The following CALN1 variants were observed in gnomAD, a reference collection of about 807,000 sequenced individuals.
CALN1 encodes the protein calcium-binding protein 8.
CALN1 carries 17 observed loss-of-function variants against 30.6 expected under a neutral mutation model. That is an observed-to-expected ratio of 0.56 (90% CI 0.38 to 0.83). The LOEUF is 0.83. CALN1 is among the 40% of genes least tolerant of loss of function. The probability of loss-of-function intolerance (pLI) is 0.00; values close to 1 mark genes in which losing one functional copy is unlikely to be tolerated. For missense variants in CALN1, 291 were observed against 354.9 expected (o/e 0.82, Z 1.45); for synonymous variants, 156 against 131.4 (o/e 1.19, Z -1.28).
chr7:72,147,201 AT>A (rs768956370), intron 3 of CALN1, among the ~76,000 whole-genome samples: 6 of 152,182 alleles, frequency 3.9e-5, no homozygotes, highest in Non-Finnish European at 7.3e-5. Context: ...ACGGGAGAAA[AT>A]TTTTGCAATC....
chr7:71,994,130 A>AT (rs1383595454), intron 5 of CALN1, among the ~76,000 whole-genome samples: 1 of 152,180 alleles, frequency 6.6e-6, no homozygotes, highest in Non-Finnish European at 1.5e-5. Flanking sequence ...ATTTTTAAAA[A>AT]TTTTATGAGA....
Position 72,134,157 on chromosome 7 carries a change from T to G in CALN1, c.245-27863A>C, listed in dbSNP as rs1389864958. ...TGCCATATGAGGACATGGCATTCCT[T>G]CCCTCCAGAGAATGCAGCAACAGGG... On this transcript the variant is annotated intron_variant, in intron 3 of 6. Coordinates refer to ENST00000395275, the MANE Select transcript of CALN1 (RefSeq NM_031468.4). Among the ~76,000 whole-genome samples, 3 of 152,114 alleles carry G rather than the reference T, an allele frequency of 2.0e-5. No homozygotes were observed. In the East Asian group the frequency reaches 5.8e-4, roughly 29 times the overall value.
chr7:72,163,854 A>G (rs984359832), intron 3 of CALN1, among the ~76,000 whole-genome samples: 2 of 152,176 alleles, frequency 1.3e-5, no homozygotes, highest in African/African-American at 2.4e-5. Context: ...TAAAAGAAGA[A>G]ATATTTGAAT....
At chr7:72,001,340 T>TGTGCACTA (rs1435990942) in intron 5 of CALN1, among the ~76,000 whole-genome samples, 1 of 152,260 alleles carries the variant, frequency 6.6e-6, no homozygotes. Context: ...GGCTCGTGTA[T>TGTGCACTA]GTGCACTAAG....
intron 3 of CALN1, among the ~76,000 whole-genome samples, chr7:72,214,032 C>T (rs890029373): frequency 4.6e-5 from 7 of 152,132 alleles, no homozygotes; most frequent in Non-Finnish European, 7.4e-5. Flanking sequence ...GGAGCACAGG[C>T]CTCGCTAGCT....
chr7:71,996,547 G>A (rs776008055), intron 5 of CALN1, among the ~76,000 whole-genome samples: 8 of 152,198 alleles, frequency 5.3e-5, no homozygotes, highest in Non-Finnish European at 7.3e-5. Flanking sequence ...CTATGTCCCT[G>A]CAAAGGACAT....
At chr7:72,335,968 G>T (rs969374556) in intron 2 of CALN1, among the ~76,000 whole-genome samples, 1 of 152,208 alleles carries the variant, frequency 6.6e-6, no homozygotes. Context: ...GGAGAAACTA[G>T]GAACCCGAGT....
chr7:71,784,938 G>A lies in CALN1; in HGVS notation c.*2837C>T, dbSNP rs1792906631. 2.5e-6 allele frequency: 1 copy of A among 398,380 alleles called. No individual in the cohort carries two copies. The highest frequency in any genetic ancestry group is 4.4e-6 in the Non-Finnish European group (1 of 226,040). The allele number at this position is 398,380 out of a possible 1,614,324, so 24.7% of individuals were successfully genotyped here. ...GCATAAAATTTGTGTGAACAGGGCT[G>A]GGAGTTGGCTGCCTGACAAGGAAGG... On this transcript the variant is annotated 3_prime_UTR_variant, in exon 7 of 7. Transcript: ENST00000395275.
chr7:72,314,537 C>G (rs547076801), intron 2 of CALN1, among the ~76,000 whole-genome samples: 123 of 151,354 alleles, frequency 8.1e-4, no homozygotes, highest in East Asian at 2.4e-3. Flanking sequence ...GATACTCCTA[C>G]CTCAGCCTCC....
intron 5 of CALN1, among the ~76,000 whole-genome samples, chr7:71,854,355 AACAGACAG>A (rs200987406): frequency 2.6e-5 from 4 of 151,966 alleles, no homozygotes; most frequent in African/African-American, 4.8e-5. Flanking sequence ...AACAATAAAA[AACAGACAG>A]ACAGACAGAC....
chr7:71,788,813 A>G (rs938703828), intron 6 of CALN1, among the ~76,000 whole-genome samples: 14 of 151,886 alleles, frequency 9.2e-5, no homozygotes, highest in Non-Finnish European at 1.3e-4. Flanking sequence ...GCCCGCCACC[A>G]TGCCCGGCTA....
chr7:71,936,809 G>A (rs1306770986), intron 5 of CALN1, among the ~76,000 whole-genome samples: 2 of 152,120 alleles, frequency 1.3e-5, no homozygotes, highest in African/African-American at 2.4e-5. Context: ...AGAGCCTGGA[G>A]GGAGACAATT....
chr7:71,835,219 A>G (rs1411117826), intron 5 of CALN1, among the ~76,000 whole-genome samples: 1 of 152,204 alleles, frequency 6.6e-6, no homozygotes, highest in African/African-American at 2.4e-5. Context: ...ACTGATCACA[A>G]AGGTAACATG....
chr7:71,784,789 G>A lies in CALN1; in HGVS notation c.*2986C>T, dbSNP rs1024119545. 2 of 398,486 alleles carry A rather than the reference G, an allele frequency of 5.0e-6. No homozygotes were observed. Among genetic ancestry groups the A allele is most frequent in the Non-Finnish European group, 8.8e-6 (2 of 226,114 alleles). 24.7% of individuals were successfully genotyped at this position (398,486 alleles called of 1,614,324 possible). A position where few individuals can be genotyped will look rare whatever the true frequency, so the allele number is the denominator to read the frequency against. ...TGAGCTATTCCCTCTCAATTCCTGC[G>A]GAAGTCACTTCCAGCTGGGGCTACA... On this transcript the variant is annotated 3_prime_UTR_variant, in exon 7 of 7. Transcript: ENST00000395275.
chr7:71,986,344 G>C (rs151283838), intron 5 of CALN1, among the ~76,000 whole-genome samples: 20 of 152,324 alleles, frequency 1.3e-4, no homozygotes, highest in African/African-American at 3.6e-4. Flanking sequence ...AGGATTACAG[G>C]TGTGAGCCAC....
the CALN1 span, among the ~76,000 whole-genome samples, chr7:72,461,386 C>A: frequency 1.3e-5 from 2 of 152,136 alleles, no homozygotes; most frequent in Non-Finnish European, 2.9e-5. Flanking sequence ...TGCACCATAG[C>A]AAAGACATGG....
chr7:72,314,595 G>C (rs1336521884), intron 2 of CALN1, among the ~76,000 whole-genome samples: 4 of 151,138 alleles, frequency 2.6e-5, no homozygotes, highest in Non-Finnish European at 4.4e-5. Flanking sequence ...GCTAATTTTT[G>C]TATTAGTAGA....
intron 4 of CALN1, among the ~76,000 whole-genome samples, chr7:72,084,914 G>A (rs544712032): frequency 1.1e-4 from 17 of 152,198 alleles, no homozygotes; most frequent in African/African-American, 3.9e-4. Context: ...TCTGAGTAGC[G>A]TGATAAAATC....
rs1307916053 is a variant in CALN1 at position 71,811,867 on chromosome 7, C to T, written c.502-1375G>A. 5.3e-5 allele frequency among the ~76,000 whole-genome samples: 8 copies of T among 151,696 alleles called. No individual in the cohort carries two copies. In the East Asian group the frequency reaches 1.2e-3, roughly 22 times the overall value. On this transcript the variant is annotated intron_variant, in intron 5 of 6. Coordinates refer to ENST00000395275, the MANE Select transcript of CALN1 (RefSeq NM_031468.4). ...CTAATTTTTGTATTTTTAGTAGAGACGGGGTTTCGCCATGTTGGTCAAGCT... is the reference window on the plus strand; with the variant it reads ...CTAATTTTTGTATTTTTAGTAGAGATGGGGTTTCGCCATGTTGGTCAAGCT...
Sources: gnomAD v4.1 joint callset for allele counts (sites outside exome capture counted in the v4.1 genomes callset) on GRCh38, gnomAD v4.1.1 for gene constraint, MANE v1.5 for transcripts, NCBI Gene and HGNC (gene_info 2026-07-23, HGNC 2026-07-21) for gene names.